FMN1: variants seen among roughly 807,000 people sequenced by gnomAD.
FMN1 encodes formin-1.
In FMN1, 110 loss-of-function variants were observed where a neutral mutation model predicts 132.4. The observed-to-expected ratio is 0.83, with a 90% CI of 0.71 to 0.97. The LOEUF (loss-of-function observed/expected upper bound fraction) is 0.97. Ranked by LOEUF, FMN1 falls within the 50% of genes least tolerant of loss-of-function variation. The pLI is 0.00. For missense variants in FMN1, 1,792 were observed against 1,705.3 expected (o/e 1.05, Z -0.90); for synonymous variants, 722 against 651.7 (o/e 1.11, Z -1.64).
intron 4 of FMN1, among the ~76,000 whole-genome samples, chr15:33,121,309 A>AC (rs1962532359): frequency 6.6e-6 from 1 of 152,184 alleles, no homozygotes; most frequent in South Asian, 2.1e-4. Flanking sequence ...ATTACTTTGT[A>AC]CCTCTGCTCC....
Position 32,777,775 on chromosome 15 carries a change from T to A in FMN1, c.4131-856A>T, listed in dbSNP as rs866436248. 2.3e-5 allele frequency among the ~76,000 whole-genome samples: 3 copies of A among 132,244 alleles called. 1 individual carries two copies. Among genetic ancestry groups the A allele is most frequent in the Non-Finnish European group, 4.7e-5 (3 of 63,870 alleles). 86.8% of individuals were successfully genotyped at this position (132,244 alleles called of 152,430 possible). On this transcript the variant is annotated intron_variant, in intron 19 of 20. Coordinates refer to ENST00000616417, the MANE Select transcript of FMN1 (RefSeq NM_001277313.2). The stretch of plus-strand genomic sequence containing the variant: ...TTATGTATAATACATTTATATACTA[T>A]GTATAATACATTTATATATTATGTA...
At chr15:33,001,569 C>A (rs2034111346) in intron 7 of FMN1, among the ~76,000 whole-genome samples, 1 of 115,262 alleles carries the variant, frequency 8.7e-6, no homozygotes, top group Non-Finnish European at 1.8e-5. Flanking sequence ...TCCCACTTCC[C>A]CCCCCACCTC....
At position 32,777,817 on chromosome 15, in the gene FMN1, T is replaced by A. The variant is rs1360183770; in HGVS notation, c.4131-898A>T. On this transcript the variant is annotated intron_variant, in intron 19 of 20. Transcript: ENST00000616417. ...TATTATGTATAATATAATACATTTA[T>A]TTATATATTATGTATAATATATAAT... is the stretch of plus-strand genomic sequence containing the variant. Among the ~76,000 whole-genome samples, 2 of 96,182 alleles carry A rather than the reference T, an allele frequency of 2.1e-5. 1 individual carries two copies. The highest frequency in any genetic ancestry group is 8.1e-5 in the African/African-American group (2 of 24,678). 63.1% of individuals were successfully genotyped at this position (96,182 alleles called of 152,430 possible).
chr15:33,114,900 T>C (rs1232749079), intron 4 of FMN1, among the ~76,000 whole-genome samples: 3 of 146,510 alleles, frequency 2.0e-5, no homozygotes, highest in Non-Finnish European at 4.5e-5. Context: ...GATGCAAGCA[T>C]CTCTACGTTA....
At chr15:33,051,656 C>T (rs2036979317) in intron 6 of FMN1, among the ~76,000 whole-genome samples, 2 of 152,136 alleles carry the variant, frequency 1.3e-5, no homozygotes, top group Admixed American at 1.3e-4. Context: ...GAGTTTTTAG[C>T]TGGTATATGA....
At chr15:32,817,805 G>A (rs2058098170) in intron 17 of FMN1, among the ~76,000 whole-genome samples, 2 of 152,196 alleles carry the variant, frequency 1.3e-5, no homozygotes, top group Non-Finnish European at 2.9e-5. Flanking sequence ...GAATCCTCCA[G>A]AGTCACCTTT....
chr15:33,123,722 C>T (rs763174853), intron 4 of FMN1, among the ~76,000 whole-genome samples: 1 of 152,196 alleles, frequency 6.6e-6, no homozygotes, highest in Non-Finnish European at 1.5e-5. Flanking sequence ...ACTCCAACAT[C>T]AGCACATTGC....
chr15:32,967,723 A>G (rs1334650431), intron 8 of FMN1, among the ~76,000 whole-genome samples: 1 of 152,222 alleles, frequency 6.6e-6, no homozygotes, highest in East Asian at 1.9e-4. Context: ...GCTTAGTTTT[A>G]GGGTATTCCC....
chr15:32,860,276 A>G (rs528004426), intron 16 of FMN1, among the ~76,000 whole-genome samples: 29 of 152,078 alleles, frequency 1.9e-4, no homozygotes, highest in African/African-American at 6.7e-4. Flanking sequence ...GGAAAGAAAG[A>G]AAGGAAGAAA....
intron 5 of FMN1, among the ~76,000 whole-genome samples, chr15:33,069,993 CTTTTTTTTTTT>C (rs1171369156): frequency 3.0e-4 from 22 of 74,324 alleles, no homozygotes; most frequent in African/African-American, 6.8e-4. Flanking sequence ...CAGTCTTTCT[CTTTTTTTTTTT>C]TTTTTTTTTT....
chr15:33,011,696 T>C (rs942594370), intron 6 of FMN1, among the ~76,000 whole-genome samples: 2 of 151,866 alleles, frequency 1.3e-5, no homozygotes, highest in Admixed American at 1.3e-4. Context: ...GAGAATATAC[T>C]TGCAACACCA....
At chr15:32,888,416 A>G in intron 15 of FMN1, 124 bp from the exon 16 acceptor site, 1 of 781,666 alleles carries the variant, frequency 1.3e-6, no homozygotes, top group South Asian at 2.4e-5. Context: ...AATCATAGCA[A>G]TGCTCCTCTG....
chr15:33,127,536 A>G (rs755403405), intron 4 of FMN1, among the ~76,000 whole-genome samples: 25 of 152,248 alleles, frequency 1.6e-4, no homozygotes, highest in South Asian at 6.2e-4. Flanking sequence ...CAACCTGAAT[A>G]AAGTTTTTAA....
At chr15:33,136,079 T>C (rs895697418) in intron 4 of FMN1, among the ~76,000 whole-genome samples, 6 of 152,252 alleles carry the variant, frequency 3.9e-5, no homozygotes, top group African/African-American at 9.6e-5. Context: ...ATAATCAGAA[T>C]GATGGAGCTG....
At chr15:33,102,911 A>T (rs1327851526) in intron 4 of FMN1, among the ~76,000 whole-genome samples, 1 of 152,124 alleles carries the variant, frequency 6.6e-6, no homozygotes, top group Non-Finnish European at 1.5e-5. Flanking sequence ...CCTGTTTAAA[A>T]TAGATGTCTC....
rs1185164419 is a variant in FMN1 at position 32,769,345 on chromosome 15, AT to A, written c.*4964del. ...AAGCATTGATCTGGAAGTTCAGTAG[AT>A]TGCCCATTCCTTGGGAAGGGAGATG... On this transcript the variant is annotated 3_prime_UTR_variant, in exon 21 of 21. Transcript: ENST00000616417. The A allele has an allele frequency of 2.0e-5, 3 of 152,232 alleles. No individual in the cohort carries two copies. The highest frequency in any genetic ancestry group is 7.2e-5 in the African/African-American group (3 of 41,456). 9.4% of individuals were successfully genotyped at this position (152,232 alleles called of 1,614,324 possible). A position where few individuals can be genotyped will look rare whatever the true frequency, so the allele number is the denominator to read the frequency against.
intron 3 of FMN1, among the ~76,000 whole-genome samples, chr15:33,158,578 T>C (rs540258656): frequency 1.1e-4 from 17 of 151,864 alleles, no homozygotes; most frequent in African/African-American, 4.1e-4. Flanking sequence ...GAAATGGGAG[T>C]TTGTCTCATG....
At chr15:32,849,899 C>T (rs747158108) in intron 17 of FMN1, among the ~76,000 whole-genome samples, 21 of 152,092 alleles carry the variant, frequency 1.4e-4, no homozygotes, top group Non-Finnish European at 2.6e-4. Flanking sequence ...TCAGGTGATC[C>T]GCCTGCCTTG....
At chr15:33,052,904 C>A (rs142211507) in intron 6 of FMN1, among the ~76,000 whole-genome samples, 1 of 152,214 alleles carries the variant, frequency 6.6e-6, no homozygotes, top group Admixed American at 6.5e-5. Context: ...TATTCACAAA[C>A]CAATCAGCAT....
Sources: allele counts gnomAD v4.1 joint callset (sites outside exome capture counted in the v4.1 genomes callset), GRCh38; gene constraint gnomAD v4.1.1; transcripts MANE v1.5; gene names NCBI Gene and HGNC (gene_info 2026-07-23, HGNC 2026-07-21).